Variants in NLRP6 observed in about 807,000 individuals in gnomAD.
NLRP6 encodes NLR family pyrin domain containing 6, also known as NACHT, LRR and PYD domains-containing protein 6.
Under a neutral mutation model 70.9 loss-of-function variants are expected in NLRP6, and 55 were observed. The ratio of observed to expected loss-of-function variants is 0.78; its 90% CI spans 0.62 to 0.97. NLRP6 has a LOEUF of 0.97. NLRP6 is among the 50% of genes least tolerant of loss of function. The pLI is 0.00. For missense variants in NLRP6, 1,241 were observed against 1,238.3 expected, an observed-to-expected ratio of 1.00 and a Z score of -0.03; for synonymous variants, 652 against 581.9, an observed-to-expected ratio of 1.12 and a Z score of -1.73.
At position 280,670 on chromosome 11, in the gene NLRP6, G is replaced by A; in HGVS notation, c.936G>A (p.Leu312=). Residue 312 remains leucine (L), a synonymous_variant, in exon 4 of 8, where the codon CTG becomes CTA. Transcript: ENST00000534750. ...GCGCGCGGGTGCTAGGCGGGCTGCT[G>A]AGCAAGGCGCTGCTGCCCACGGCCC... ...ASGARVLGGL[L]SKALLPTALL... 1 of 1,548,296 alleles carries A rather than the reference G, an allele frequency of 6.5e-7. No individual in the cohort carries two copies. Among genetic ancestry groups the A allele is most frequent in the East Asian group, 2.4e-5 (1 of 42,096 alleles).
Position 281,253 on chromosome 11 carries a change from G to C in NLRP6, c.1519G>C (p.Ala507Pro). ...FIDQSFQEFL[A>P]ALSYLLEDGG... ...CGACCAGAGCTTCCAGGAGTTCCTC[G>C]CGGCACTGTCCTACCTGCTGGAGGA... is the stretch of plus-strand genomic sequence containing the variant. The change falls in exon 4 of 8, where the codon GCG becomes CCG. Residue 507 changes from alanine to proline, a missense_variant. Physicochemically the swap from Ala to Pro is conservative, Grantham distance 27. Coordinates refer to ENST00000534750, the MANE Select transcript of NLRP6 (RefSeq NM_001276700.2). 6.2e-7 allele frequency: 1 copy of C among 1,613,014 alleles called. No homozygotes were observed. The highest frequency in any genetic ancestry group is 8.5e-7 in the Non-Finnish European group (1 of 1,179,848).
In NLRP6 at chr11:284,231, C is replaced by G; in HGVS notation, c.2200C>G (p.Leu734Val). 1 of 1,613,106 alleles carries G rather than the reference C, an allele frequency of 6.2e-7. No homozygotes were observed. The highest frequency in any genetic ancestry group is 8.5e-7 in the Non-Finnish European group (1 of 1,179,876). Residue 734 changes from leucine to valine, a missense_variant and splice_region_variant, in exon 6 of 8, where the codon CTG becomes GTG. Leu to Val is a conservative substitution (Grantham distance 32). Transcript: ENST00000534750. ...AATCTCTGTGCTTCTTGACCACAGG[C>G]TGTCCCACTGCAAACTCCCTGACGC... Reference protein sequence around the residue: ...DPLCHLSSLTLSHCKLPDAVC... With the variant: ...DPLCHLSSLTVSHCKLPDAVC...
chr11:284,716 C>T (rs760059), intron 7 of NLRP6, 74 bp downstream of exon 7: 806,946 of 1,409,204 alleles, frequency 0.57, 233,429 homozygotes, highest in South Asian at 0.77. Context: ...CCTGGGGGCT[C>T]CCCCTGGACC....
At chr11:279,304 G>A in intron 1 of NLRP6, 23 bp from the exon 2 acceptor site, 1 of 1,260,778 alleles carries the variant, frequency 7.9e-7, no homozygotes, top group Non-Finnish European at 1.0e-6. Flanking sequence ...GCTCCCCGAT[G>A]ACCCGCGCCC....
intron 5 of NLRP6, 82 bp from the exon 6 acceptor site, chr11:284,148 G>A (rs1051857353): frequency 3.1e-5 from 40 of 1,298,648 alleles, no homozygotes; most frequent in African/African-American, 7.3e-5. Context: ...CTGGGCCACC[G>A]GGCAGCGGGC....
rs761829393 is a variant in NLRP6, at chr11:284,478, A to G, written c.2373A>G (p.Val791=). ...CCTGAGGTCGGCCCTCCCACAGGGT[A>G]CAGCTGCCTGACCCCCAGCGAGGGC... ...WPQCRVQTVR[V]QLPDPQRGLQ... Residue 791 remains valine, a synonymous_variant, in exon 7 of 8, where the codon GTA becomes GTG. Coordinates refer to ENST00000534750, the MANE Select transcript of NLRP6 (RefSeq NM_001276700.2). 13 of 1,612,666 alleles carry G rather than the reference A, an allele frequency of 8.1e-6. No homozygotes were observed. In the East Asian group the frequency reaches 1.3e-4, roughly 17 times the overall value.
rs755857264 is a variant in NLRP6 at position 280,577 on chromosome 11, G to A, written c.843G>A (p.Ala281=). 4.8e-6 allele frequency: 7 copies of A among 1,462,570 alleles called. No individual in the cohort carries two copies. The highest frequency in any genetic ancestry group is 4.4e-5 in the African/African-American group (3 of 67,468). The allele number at this position is 1,462,570 out of a possible 1,614,324, so 90.6% of individuals were successfully genotyped here. The change falls in exon 4 of 8, where the codon GCG becomes GCA. Residue 281 remains alanine, a synonymous_variant. Coordinates refer to ENST00000534750, the MANE Select transcript of NLRP6 (RefSeq NM_001276700.2). Reference sequence around the variant, plus strand: ...GGCTGCTCTTCATCCTGGACGGCGCGGACGAGCTGCCGGCGCTGGGGGGCC... The same window carrying A: ...GGCTGCTCTTCATCCTGGACGGCGCAGACGAGCTGCCGGCGCTGGGGGGCC... ...PQRLLFILDG[A]DELPALGGPE...
chr11:279,513 C>G lies in NLRP6; in HGVS notation c.216C>G (p.Tyr72Ter), dbSNP rs953291645. 3.6e-5 allele frequency: 53 copies of G among 1,455,196 alleles called. No homozygotes were observed. The highest frequency in any genetic ancestry group is 4.7e-5 in the Non-Finnish European group (52 of 1,105,374). The allele number at this position is 1,455,196 out of a possible 1,614,324, so 90.1% of individuals were successfully genotyped here. ...VDLAEQLAQF[Y>*]GPEPALEVAR... ...TCGCGGAGCAGCTGGCCCAGTTCTA[C>G]GGCCCGGAGCCTGCCCTGGAGGTGG... is the stretch of plus-strand genomic sequence containing the variant. The change falls in exon 2 of 8, where the codon TAC becomes TAG. Residue 72 changes from tyrosine to a stop codon, truncating the protein, a stop_gained. Coordinates refer to ENST00000534750, the MANE Select transcript of NLRP6 (RefSeq NM_001276700.2). LOFTEE classifies it high-confidence loss of function.
chr11:278,621 T>C lies in NLRP6; in HGVS notation c.29+23T>C. On this transcript the variant is annotated intron_variant, in intron 1 of 7. Transcript: ENST00000534750. The surrounding 1 kb of genome is among the most constrained non-coding windows in gnomAD (Gnocchi z 4.7). ...CAGGTGAGTGCTGGCCCCAGGGTGG[T>C]CACTGGGAACCGGCTGGTCTCAGCC... The C allele has an allele frequency of 1.3e-6, 2 of 1,572,256 alleles. No homozygotes were observed. The highest frequency in any genetic ancestry group is 1.7e-6 in the Non-Finnish European group (2 of 1,160,116).
intron 5 of NLRP6, 141 bp downstream of exon 5, chr11:282,938 C>A: frequency 2.9e-6 from 2 of 696,414 alleles, no homozygotes; most frequent in Middle Eastern, 2.6e-4. Flanking sequence ...AGATGGCAGG[C>A]TCTGCCCACA....
In NLRP6 at chr11:280,109, C is replaced by G. The variant is rs1460635714; in HGVS notation, c.375C>G (p.His125Gln). ...AGTACAAGAAGAAGTACCGGGAGCA[C>G]GTGCTGCAGCTGCACGCTCGGGTGA... ...VSEYKKKYREHVLQLHARVKE... is the reference protein window; with the variant it reads ...VSEYKKKYREQVLQLHARVKE... The change falls in exon 4 of 8, where the codon CAC becomes CAG. Residue 125 changes from histidine to glutamine, a missense_variant. Coordinates refer to ENST00000534750, the MANE Select transcript of NLRP6 (RefSeq NM_001276700.2). 2 of 1,522,804 alleles carry G rather than the reference C, an allele frequency of 1.3e-6. No homozygotes were observed. The highest frequency in any genetic ancestry group is 1.2e-5 in the South Asian group (1 of 80,786). 94.3% of individuals were successfully genotyped at this position (1,522,804 alleles called of 1,614,324 possible). A position where few individuals can be genotyped will look rare whatever the true frequency, so the allele number is the denominator to read the frequency against.
intron 7 of NLRP6, among the ~76,000 whole-genome samples, chr11:284,858 A>T (rs1200763320): frequency 1.3e-5 from 2 of 152,102 alleles, no homozygotes; most frequent in South Asian, 4.1e-4. Flanking sequence ...TGTCTGACCA[A>T]ATGTTCATCT....
rs1201334872 is a variant in NLRP6, at chr11:284,600, G to GTGCAGTC, written c.2496_2502dup (p.Leu835CysfsTer72). The GTGCAGTC allele has an allele frequency of 6.2e-7, 1 of 1,611,062 alleles. No homozygotes were observed. The highest frequency in any genetic ancestry group is 1.3e-5 in the African/African-American group (1 of 74,898). ...CCCGCCCCCATGGTGACCTACCTGT[G>GTGCAGTC]TGCAGTCCTGCAGCACCAGGGATGC... On this transcript the variant is annotated frameshift_variant, in exon 7 of 8. Transcript: ENST00000534750. LOFTEE classifies it low-confidence loss of function (END_TRUNC).
chr11:281,568 G>A lies in NLRP6; in HGVS notation c.1834G>A (p.Gly612Arg). The change falls in exon 4 of 8, where the codon GGA (glycine) becomes AGA (arginine). Residue 612 changes from glycine to arginine, a missense_variant. Coordinates refer to ENST00000534750, the MANE Select transcript of NLRP6 (RefSeq NM_001276700.2). Reference protein sequence around the residue: ...DTEEPEEEEEGEEPNYPLELL... With the variant: ...DTEEPEEEEEREEPNYPLELL... ...CGAAGAGCCAGAGGAGGAGGAGGAG[G>A]GAGAGGAGCCCAACTACCCACTGGA... The A allele has an allele frequency of 1.2e-6, 2 of 1,611,502 alleles. No individual in the cohort carries two copies. Among genetic ancestry groups the A allele is most frequent in the South Asian group, 2.2e-5 (2 of 90,792 alleles).
At chr11:282,868 G>T (rs1845498830) in intron 5 of NLRP6, 71 bp downstream of exon 5, 1 of 1,124,706 alleles carries the variant, frequency 8.9e-7, no homozygotes, top group Admixed American at 1.7e-5. Context: ...AGAGACGGAA[G>T]TATGACCTAG....
At position 284,290 on chromosome 11, in the gene NLRP6, A is replaced by G. The variant is rs769084826; in HGVS notation, c.2259A>G (p.Ala753=). Reference sequence around the variant, plus strand: ...GAGACCTTTCTGAGGCCCTGAGGGCAGCCCCCGCACTGACGGAGCTGGGCC... The same window carrying G: ...GAGACCTTTCTGAGGCCCTGAGGGCGGCCCCCGCACTGACGGAGCTGGGCC... ...VCRDLSEALR[A]APALTELGLL... Residue 753 remains alanine, a synonymous_variant, in exon 6 of 8, where the codon GCA becomes GCG. Transcript: ENST00000534750. 1.2e-6 allele frequency: 2 copies of G among 1,612,834 alleles called. No homozygotes were observed. Among genetic ancestry groups the G allele is most frequent in the Non-Finnish European group, 1.7e-6 (2 of 1,179,996 alleles).
Position 281,423 on chromosome 11 carries a change from C to A in NLRP6, c.1689C>A (p.Phe563Leu), listed in dbSNP as rs1300981754. ...AERMRDIERH[F>L]GCMVSERVKQ... ...GGATGCGCGACATCGAGCGCCACTT[C>A]GGCTGCATGGTTTCAGAGCGTGTGA... is the stretch of plus-strand genomic sequence containing the variant. Residue 563 changes from phenylalanine to leucine, a missense_variant, in exon 4 of 8, where the codon TTC becomes TTA. Phe to Leu is a conservative substitution (Grantham distance 22). Transcript: ENST00000534750. 15 of 1,607,516 alleles carry A rather than the reference C, an allele frequency of 9.3e-6. No homozygotes were observed. The highest frequency in any genetic ancestry group is 1.2e-5 in the Non-Finnish European group (14 of 1,177,220).
rs1012027040 is a variant in NLRP6, at chr11:280,579, A to G, written c.845A>G (p.Asp282Gly). 6.8e-7 allele frequency: 1 copy of G among 1,459,904 alleles called. No individual in the cohort carries two copies. The highest frequency in any genetic ancestry group is 1.5e-5 in the African/African-American group (1 of 67,288). The allele number at this position is 1,459,904 out of a possible 1,614,324, so 90.4% of individuals were successfully genotyped here. The change falls in exon 4 of 8, where the codon GAC becomes GGC. Residue 282 changes from aspartate (D) to glycine (G), a missense_variant. By Grantham distance (94) the Asp-to-Gly change is moderately conservative. Coordinates refer to ENST00000534750, the MANE Select transcript of NLRP6 (RefSeq NM_001276700.2). ...QRLLFILDGA[D>G]ELPALGGPEA... ...CTGCTCTTCATCCTGGACGGCGCGG[A>G]CGAGCTGCCGGCGCTGGGGGGCCCC...
At position 280,520 on chromosome 11, in the gene NLRP6, G is replaced by T. The variant is rs199475802; in HGVS notation, c.786G>T (p.Ala262=). 1.3e-6 allele frequency: 2 copies of T among 1,567,530 alleles called. No individual in the cohort carries two copies. The highest frequency in any genetic ancestry group is 1.9e-4 in the Middle Eastern group (1 of 5,384). The part of the protein sequence containing the change: ...LILDQCPDRG[A]PVPQMLAQPQ... The stretch of plus-strand genomic sequence containing the variant: ...TGGACCAGTGCCCCGACCGCGGCGC[G>T]CCGGTGCCGCAGATGCTGGCCCAGC... Residue 262 remains alanine, a synonymous_variant, in exon 4 of 8, where the codon GCG becomes GCT. Coordinates refer to ENST00000534750, the MANE Select transcript of NLRP6 (RefSeq NM_001276700.2).
Sources: gnomAD v4.1 joint callset for allele counts (sites outside exome capture counted in the v4.1 genomes callset) on GRCh38, gnomAD v4.1.1 for gene constraint, Gnocchi (gnomAD v3.1) non-coding constraint, MANE v1.5 for transcripts, NCBI Gene and HGNC (gene_info 2026-07-23, HGNC 2026-07-21) for gene names.